Variants in LRP1B observed in about 807,000 individuals in gnomAD.
The protein encoded by LRP1B is low-density lipoprotein receptor-related protein 1B.
LRP1B carries 217 observed loss-of-function variants against 556.6 expected under a neutral mutation model. The ratio of observed to expected loss-of-function variants is 0.39; its 90% CI spans 0.35 to 0.44. The LOEUF is 0.44. Among genes scored for constraint, LRP1B ranks in the 20% least tolerant of loss-of-function variants. LRP1B has a pLI of 1.00. For synonymous variants in LRP1B, 2,047 were observed against 1,865.8 expected (o/e 1.10, Z -2.50); for missense variants, 5,053 against 5,620.8 (o/e 0.90, Z 3.23).
At chr2:140,503,543 C>G (rs1689284234) in intron 53 of LRP1B, among the ~76,000 whole-genome samples, 1 of 151,994 alleles carries the variant, frequency 6.6e-6, no homozygotes, top group African/African-American at 2.4e-5. Context: ...TAGAAAGCAG[C>G]ACTCAAAGTG....
chr2:141,412,994 G>C (rs1690911005), intron 3 of LRP1B, among the ~76,000 whole-genome samples: 1 of 152,114 alleles, frequency 6.6e-6, no homozygotes, highest in Non-Finnish European at 1.5e-5. Flanking sequence ...TGCAAGGCCA[G>C]AGCAAGGGGA....
At chr2:141,049,541 C>T (rs1202597791) in intron 10 of LRP1B, among the ~76,000 whole-genome samples, 3 of 151,998 alleles carry the variant, frequency 2.0e-5, no homozygotes, top group Non-Finnish European at 4.4e-5. Flanking sequence ...ACATCGGGCA[C>T]ATTTAATTTT....
chr2:141,463,045 C>A (rs1681946125), intron 3 of LRP1B, among the ~76,000 whole-genome samples: 1 of 152,116 alleles, frequency 6.6e-6, no homozygotes, highest in African/African-American at 2.4e-5. Flanking sequence ...ATTTCTGTGA[C>A]CTCACAAAGA....
At chr2:142,049,198 G>T (rs556588251) in intron 1 of LRP1B, among the ~76,000 whole-genome samples, 4 of 151,944 alleles carry the variant, frequency 2.6e-5, no homozygotes, top group Admixed American at 2.0e-4. Context: ...GAAGACAGAT[G>T]GTCAACAAAG....
chr2:140,533,283 C>A (rs1360999076), intron 47 of LRP1B, among the ~76,000 whole-genome samples: 1 of 151,982 alleles, frequency 6.6e-6, no homozygotes, highest in South Asian at 2.1e-4. Flanking sequence ...ACTGTTCTAA[C>A]CTTATTTAAT....
At chr2:140,458,710 A>T (rs1271469273) in intron 60 of LRP1B, among the ~76,000 whole-genome samples, 1 of 152,106 alleles carries the variant, frequency 6.6e-6, no homozygotes, top group African/African-American at 2.4e-5. Flanking sequence ...TTCAGCAGTA[A>T]CTGAAAAACT....
chr2:141,196,085 T>C (rs1031908158), intron 6 of LRP1B, among the ~76,000 whole-genome samples: 1 of 152,098 alleles, frequency 6.6e-6, no homozygotes, highest in Non-Finnish European at 1.5e-5. Flanking sequence ...GGCAGGGATA[T>C]GTAAACTATG....
intron 34 of LRP1B, among the ~76,000 whole-genome samples, chr2:140,770,579 C>T (rs536616001): frequency 6.6e-6 from 1 of 151,910 alleles, no homozygotes; most frequent in African/African-American, 2.4e-5. Context: ...CTGCTTTTTA[C>T]TATAATTTTT....
intron 1 of LRP1B, among the ~76,000 whole-genome samples, chr2:141,818,415 T>C (rs992747743): frequency 3.3e-5 from 5 of 152,138 alleles, no homozygotes; most frequent in African/African-American, 1.2e-4. Context: ...TTTCATAACA[T>C]GGTTAGAGGT....
chr2:141,276,461 A>T (rs1685289498), intron 3 of LRP1B, among the ~76,000 whole-genome samples: 1 of 151,840 alleles, frequency 6.6e-6, no homozygotes, highest in African/African-American at 2.4e-5. Context: ...TCCCAGCCTC[A>T]AGTAGGCCCC....
intron 59 of LRP1B, among the ~76,000 whole-genome samples, chr2:140,476,230 A>G (rs1406157049): frequency 6.6e-6 from 1 of 151,980 alleles, no homozygotes; most frequent in Non-Finnish European, 1.5e-5. Context: ...CCTTGTCTAC[A>G]TAAAGATTTG....
At chr2:140,596,844 C>T (rs1682461868) in intron 43 of LRP1B, among the ~76,000 whole-genome samples, 1 of 152,072 alleles carries the variant, frequency 6.6e-6, no homozygotes, top group Admixed American at 6.6e-5. Flanking sequence ...CATAATAATG[C>T]CTTCCACGGG....
chr2:142,030,816 T>C (rs1703666286), intron 1 of LRP1B, among the ~76,000 whole-genome samples: 1 of 151,890 alleles, frequency 6.6e-6, no homozygotes. Flanking sequence ...TATTTTGAAA[T>C]TGGGGCTGGT....
chr2:141,011,525 C>T (rs1484544590), intron 14 of LRP1B, among the ~76,000 whole-genome samples: 2 of 151,950 alleles, frequency 1.3e-5, no homozygotes, highest in Admixed American at 1.3e-4. Context: ...CTTGATCAAA[C>T]ATATAGTTAA....
intron 86 of LRP1B, among the ~76,000 whole-genome samples, chr2:140,260,591 G>A (rs2104925405): frequency 6.6e-6 from 1 of 151,570 alleles, no homozygotes; most frequent in South Asian, 2.1e-4. Flanking sequence ...TATTACATTA[G>A]CCACAACTTT....
chr2:141,326,786 C>G (rs781696958), intron 3 of LRP1B, among the ~76,000 whole-genome samples: 1 of 152,168 alleles, frequency 6.6e-6, no homozygotes, highest in Non-Finnish European at 1.5e-5. Context: ...TTGATGTAGA[C>G]CTGTTTGTGC....
chr2:141,984,330 GAAA>G (rs920416146), intron 1 of LRP1B, among the ~76,000 whole-genome samples: 8 of 149,064 alleles, frequency 5.4e-5, no homozygotes, highest in Non-Finnish European at 1.2e-4. Flanking sequence ...GGGAAAGGGG[GAAA>G]AAAAAAGAAT....
chr2:141,686,108 T>C (rs1691292760), intron 2 of LRP1B, among the ~76,000 whole-genome samples: 1 of 152,006 alleles, frequency 6.6e-6, no homozygotes, highest in Admixed American at 6.6e-5. Flanking sequence ...AACTGTCATT[T>C]GAGGAATTTT....
intron 1 of LRP1B, among the ~76,000 whole-genome samples, chr2:141,931,703 C>A (rs72986531): frequency 0.01 from 1,528 of 151,944 alleles, 24 homozygotes; most frequent in African/African-American, 0.035. Context: ...TGACTGGATT[C>A]TTTCATAAAA....
Sources: gnomAD v4.1 joint callset for allele counts (sites outside exome capture counted in the v4.1 genomes callset) on GRCh38, gnomAD v4.1.1 for gene constraint, MANE v1.5 for transcripts, NCBI Gene and HGNC (gene_info 2026-07-23, HGNC 2026-07-21) for gene names.